Variants in FOCAD observed in about 807,000 individuals in gnomAD.
The protein encoded by FOCAD is KIAA1797.
A neutral mutation model predicts 225.6 loss-of-function variants in FOCAD; 198 were observed. That is an observed-to-expected ratio of 0.88 (90% confidence interval 0.78 to 0.99). The LOEUF (loss-of-function observed/expected upper bound fraction) is 0.99. Among genes scored for constraint, FOCAD ranks in the 50% least tolerant of loss-of-function variants. The pLI, the probability that FOCAD is intolerant of heterozygous loss-of-function variation, is 0.00. For missense variants in FOCAD, 2,713 were observed against 2,123.6 expected, an observed-to-expected ratio of 1.28 and a Z score of -5.46; for synonymous variants, 897 against 755.0, an observed-to-expected ratio of 1.19 and a Z score of -3.08.
At chr9:20,882,235 A>G (rs1648037753) in intron 20 of FOCAD, among the ~76,000 whole-genome samples, 179 bp downstream of exon 20, 1 of 152,246 alleles carries the variant, frequency 6.6e-6, no homozygotes. Context: ...AAAGACAAAT[A>G]GATGGATTTA....
At chr9:20,758,434 A>G (rs1020571723) in intron 6 of FOCAD, among the ~76,000 whole-genome samples, 1 of 151,980 alleles carries the variant, frequency 6.6e-6, no homozygotes, top group Non-Finnish European at 1.5e-5. Context: ...TTACATATGT[A>G]TACATGTGCC....
intron 2 of FOCAD, among the ~76,000 whole-genome samples, chr9:20,664,203 A>G (rs184302679): frequency 4.0e-5 from 6 of 151,564 alleles, no homozygotes; most frequent in Non-Finnish European, 4.4e-5. Context: ...ATATTTCTAG[A>G]CCCATATATA....
rs367988293 is a variant in FOCAD, at chr9:20,981,610, G to A, written c.4562G>A (p.Ser1521Asn). Reference protein sequence around the residue: ...HGLSQAMKLPSPAHHLWSLLS... With the variant: ...HGLSQAMKLPNPAHHLWSLLS... ...CTGAGCCAGGCCATGAAACTGCCCAGCCCTGCCCACCACCTCTGGAGTCTG... is the reference window on the plus strand; with the variant it reads ...CTGAGCCAGGCCATGAAACTGCCCAACCCTGCCCACCACCTCTGGAGTCTG... Residue 1521 changes from serine to asparagine, a missense_variant, in exon 38 of 44, where the codon AGC becomes AAC. Coordinates refer to ENST00000338382, the MANE Select transcript of FOCAD (RefSeq NM_001375567.1). The A allele has an allele frequency of 1.9e-6, 3 of 1,613,904 alleles. No individual in the cohort carries two copies. The highest frequency in any genetic ancestry group is 1.6e-4 in the Middle Eastern group (1 of 6,084).
chr9:20,886,989 C>A (rs934705443), intron 21 of FOCAD, among the ~76,000 whole-genome samples: 10 of 152,206 alleles, frequency 6.6e-5, no homozygotes, highest in African/African-American at 2.4e-4. Context: ...GGCAGTGAGG[C>A]TCCATAGTCC....
chr9:20,895,402 A>T (rs1696373223), intron 21 of FOCAD, among the ~76,000 whole-genome samples: 2 of 151,988 alleles, frequency 1.3e-5, no homozygotes, highest in South Asian at 4.1e-4. Flanking sequence ...AGATGAAGTT[A>T]GGAAGAACTG....
chr9:20,944,563 TA>T, intron 28 of FOCAD, 63 bp from the exon 29 acceptor site: 6 of 1,557,140 alleles, frequency 3.9e-6, no homozygotes, highest in Non-Finnish European at 5.3e-6. Context: ...ACACCCGTGG[TA>T]AGTGAAGAGC....
At chr9:20,856,374 C>G (rs775728549) in intron 15 of FOCAD, among the ~76,000 whole-genome samples, 4 of 151,776 alleles carry the variant, frequency 2.6e-5, no homozygotes, top group Non-Finnish European at 5.9e-5. Flanking sequence ...TACCTGCTAA[C>G]CATTCATGTC....
chr9:20,723,725 A>T (rs548442122), intron 4 of FOCAD, among the ~76,000 whole-genome samples: 5 of 152,214 alleles, frequency 3.3e-5, no homozygotes, highest in African/African-American at 4.8e-5. Context: ...ATTACATAGT[A>T]TTCTTTAGTT....
intron 10 of FOCAD, among the ~76,000 whole-genome samples, chr9:20,783,352 A>G (rs1316366180): frequency 6.6e-6 from 1 of 152,166 alleles, no homozygotes; most frequent in Non-Finnish European, 1.5e-5. Context: ...TCACTGTTTT[A>G]AAAAATGTAA....
At chr9:20,994,756 G>A (rs1190188454) in intron 43 of FOCAD, among the ~76,000 whole-genome samples, 2 of 152,098 alleles carry the variant, frequency 1.3e-5, no homozygotes, top group African/African-American at 2.4e-5. Flanking sequence ...CCATAATAAC[G>A]TTGGTTGCTC....
At chr9:20,923,097 T>C (rs1245311361) in intron 24 of FOCAD, among the ~76,000 whole-genome samples, 3 of 152,116 alleles carry the variant, frequency 2.0e-5, no homozygotes, top group Non-Finnish European at 4.4e-5. Context: ...TATTACAAAC[T>C]GGGTTTAAGG....
intron 22 of FOCAD, among the ~76,000 whole-genome samples, chr9:20,907,930 A>G (rs1383535548): frequency 1.3e-5 from 2 of 152,006 alleles, no homozygotes; most frequent in African/African-American, 2.4e-5. Context: ...GAGGACTTCC[A>G]GTTGTCTCTG....
chr9:20,725,444 G>T (rs561086775), intron 4 of FOCAD, among the ~76,000 whole-genome samples: 2 of 152,182 alleles, frequency 1.3e-5, no homozygotes, highest in Admixed American at 1.3e-4. Context: ...AGAGAGGGGG[G>T]TGGATAGAAA....
At chr9:20,728,174 A>T (rs1826367276) in intron 4 of FOCAD, among the ~76,000 whole-genome samples, 1 of 152,144 alleles carries the variant, frequency 6.6e-6, no homozygotes, top group Admixed American at 6.5e-5. Context: ...TCAACGTCAT[A>T]ATTGACCCAT....
intron 1 of FOCAD, among the ~76,000 whole-genome samples, chr9:20,690,002 C>T (rs1239923307): frequency 6.6e-6 from 1 of 152,146 alleles, no homozygotes; most frequent in African/African-American, 2.4e-5. Flanking sequence ...TTTGCAAATA[C>T]ATTTCATCAT....
intron 11 of FOCAD, among the ~76,000 whole-genome samples, chr9:20,789,991 G>A (rs1170033312): frequency 6.6e-6 from 1 of 152,084 alleles, no homozygotes; most frequent in Non-Finnish European, 1.5e-5. Flanking sequence ...ATCAATTCAG[G>A]ATAAGGGAGC....
chr9:20,915,682 G>A (rs1330606158), intron 23 of FOCAD, among the ~76,000 whole-genome samples: 1 of 152,128 alleles, frequency 6.6e-6, no homozygotes, highest in Admixed American at 6.5e-5. Context: ...TGGGGCAATA[G>A]CTGGTGGGCT....
intron 28 of FOCAD, 110 bp from the exon 29 acceptor site, chr9:20,944,517 A>G: frequency 2.4e-6 from 3 of 1,233,494 alleles, no homozygotes; most frequent in Non-Finnish European, 3.4e-6. Flanking sequence ...CAGAATTTGA[A>G]TCCAGCCATC....
At chr9:20,830,589 A>G (rs545057704) in intron 15 of FOCAD, among the ~76,000 whole-genome samples, 1 of 152,152 alleles carries the variant, frequency 6.6e-6, no homozygotes, top group Non-Finnish European at 1.5e-5. Context: ...ATGTAGCGAC[A>G]TATTTTAATG....
Sources: gnomAD v4.1 joint callset for allele counts (sites outside exome capture counted in the v4.1 genomes callset) on GRCh38, gnomAD v4.1.1 for gene constraint, MANE v1.5 for transcripts, NCBI Gene and HGNC (gene_info 2026-07-23, HGNC 2026-07-21) for gene names.